LRBA: variants seen among roughly 807,000 people sequenced by gnomAD.
LRBA encodes the protein lipopolysaccharide-responsive and beige-like anchor protein.
Under a neutral mutation model 330.0 loss-of-function variants are expected in LRBA, and 176 were observed. The observed-to-expected ratio is 0.53, with a 90% CI of 0.47 to 0.60. LRBA has a LOEUF of 0.60. Among genes scored for constraint, LRBA ranks in the 20% least tolerant of loss-of-function variants. The pLI is 0.00. For synonymous variants in LRBA, 1,230 were observed against 1,193.0 expected (o/e 1.03, Z -0.64); for missense variants, 3,259 against 3,444.8 (o/e 0.95, Z 1.35).
At chr4:150,847,731 GT>G (rs893847254) in intron 26 of LRBA, among the ~76,000 whole-genome samples, 30 of 152,024 alleles carry the variant, frequency 2.0e-4, no homozygotes, top group African/African-American at 6.0e-4. Flanking sequence ...GCAAAAAAGG[GT>G]TTTTTTGTTT....
intron 40 of LRBA, among the ~76,000 whole-genome samples, chr4:150,528,692 C>T (rs1408606416): frequency 6.6e-6 from 1 of 151,900 alleles, no homozygotes; most frequent in African/African-American, 2.4e-5. Context: ...TAATAAAGAG[C>T]TTTTCAGCAT....
intron 44 of LRBA, 87 bp downstream of exon 44, chr4:150,467,586 T>G (rs1755597226): frequency 1.2e-6 from 1 of 806,306 alleles, no homozygotes; most frequent in East Asian, 2.7e-5. Context: ...TGAAAAAAAT[T>G]TTTAAGTTAA....
chr4:150,360,161 A>AT (rs1278271981), intron 47 of LRBA, among the ~76,000 whole-genome samples: 3 of 151,848 alleles, frequency 2.0e-5, no homozygotes, highest in Non-Finnish European at 2.9e-5. Context: ...TTTATAAAAA[A>AT]TTTTTTTTAA....
chr4:150,311,023 GCAATAAAA>G (rs1050020015), intron 51 of LRBA: 1 of 152,134 alleles, frequency 6.6e-6, no homozygotes, highest in Non-Finnish European at 1.5e-5. Flanking sequence ...CCTTATTTAA[GCAATAAAA>G]CAAGACAGCC....
chr4:150,892,406 T>C (rs1250060725), intron 17 of LRBA, among the ~76,000 whole-genome samples: 1 of 151,906 alleles, frequency 6.6e-6, no homozygotes, highest in Non-Finnish European at 1.5e-5. Flanking sequence ...CCAATAGGAG[T>C]AACGTCATTG....
At chr4:150,982,722 T>C (rs1275720073) in intron 2 of LRBA, among the ~76,000 whole-genome samples, 2 of 151,970 alleles carry the variant, frequency 1.3e-5, no homozygotes, top group Admixed American at 6.6e-5. Context: ...ATGGGTCAAG[T>C]AACAACAGAG....
chr4:150,990,523 T>C (rs1198814995), intron 2 of LRBA, among the ~76,000 whole-genome samples: 5 of 150,656 alleles, frequency 3.3e-5, no homozygotes, highest in Non-Finnish European at 5.9e-5. Flanking sequence ...AGGCCAGGAG[T>C]TTCAGACCAG....
At chr4:150,727,071 T>G (rs1729789584) in intron 36 of LRBA, among the ~76,000 whole-genome samples, 1 of 129,392 alleles carries the variant, frequency 7.7e-6, no homozygotes, top group African/African-American at 2.8e-5. Context: ...TTCGTTGTTT[T>G]TTTTTTTTTT....
At chr4:150,611,065 G>A (rs1775207953) in intron 37 of LRBA, among the ~76,000 whole-genome samples, 1 of 152,128 alleles carries the variant, frequency 6.6e-6, no homozygotes. Flanking sequence ...CACTAGCCAG[G>A]AGATGAGGAT....
chr4:150,364,986 C>T (rs750969927), intron 47 of LRBA, among the ~76,000 whole-genome samples: 1 of 151,564 alleles, frequency 6.6e-6, no homozygotes, highest in Non-Finnish European at 1.5e-5. Flanking sequence ...TATACACACA[C>T]AGAGAGAAAG....
At chr4:150,930,268 T>C (rs1251666289) in intron 2 of LRBA, among the ~76,000 whole-genome samples, 1 of 151,964 alleles carries the variant, frequency 6.6e-6, no homozygotes, top group Non-Finnish European at 1.5e-5. Context: ...TGAGCTGAGA[T>C]TGTGCCACTG....
At chr4:150,896,768 A>G (rs1730128149) in intron 15 of LRBA, among the ~76,000 whole-genome samples, 1 of 152,052 alleles carries the variant, frequency 6.6e-6, no homozygotes, top group Admixed American at 6.5e-5. Flanking sequence ...TAATATCCAC[A>G]CCTACTACTC....
In LRBA at chr4:150,507,464, A is replaced by G. The variant is rs568237778; in HGVS notation, c.6331-16429T>C. Among the ~76,000 whole-genome samples the G allele has an allele frequency of 2.0e-5, 3 of 151,208 alleles. No individual in the cohort carries two copies. The South Asian group carries it at 6.2e-4, about 31-fold the overall frequency. Reference sequence around the variant, plus strand: ...CTGATCTTTGACAAACCTGAGAAAAACAAGAAATGAGGAAAGGATTCCTTA... The same window carrying G: ...CTGATCTTTGACAAACCTGAGAAAAGCAAGAAATGAGGAAAGGATTCCTTA... On this transcript the variant is annotated intron_variant, in intron 40 of 56. Coordinates refer to ENST00000651943, the MANE Select transcript of LRBA (RefSeq NM_001364905.1).
intron 28 of LRBA, among the ~76,000 whole-genome samples, chr4:150,833,122 A>G (rs1375017552): frequency 1.3e-5 from 2 of 152,020 alleles, no homozygotes; most frequent in Admixed American, 1.3e-4. Flanking sequence ...ACAATTATAT[A>G]TCAAGATTTA....
chr4:150,802,100 G>A (rs1741723146), intron 33 of LRBA, among the ~76,000 whole-genome samples: 1 of 150,798 alleles, frequency 6.6e-6, no homozygotes, highest in African/African-American at 2.4e-5. Context: ...TGCGCCTGTA[G>A]TCCCAACTAC....
At chr4:150,571,496 C>T (rs948992789) in intron 40 of LRBA, among the ~76,000 whole-genome samples, 2 of 151,958 alleles carry the variant, frequency 1.3e-5, no homozygotes, top group Admixed American at 1.3e-4. Context: ...TAAGATAACA[C>T]TTTGATAGTT....
chr4:150,866,084 G>C (rs1037412405), intron 22 of LRBA, among the ~76,000 whole-genome samples: 2 of 152,170 alleles, frequency 1.3e-5, no homozygotes, highest in Non-Finnish European at 2.9e-5. Flanking sequence ...TCAGTAAAAT[G>C]TAACACTTAA....
chr4:150,325,769 A>G, intron 49 of LRBA, 40 bp downstream of exon 49: 2 of 1,314,714 alleles, frequency 1.5e-6, no homozygotes, highest in South Asian at 1.2e-5. Flanking sequence ...GCGGATCTGA[A>G]GGAGAGGCAA....
chr4:150,671,468 G>A (rs983361176), intron 37 of LRBA, among the ~76,000 whole-genome samples: 1 of 152,066 alleles, frequency 6.6e-6, no homozygotes, highest in African/African-American at 2.4e-5. Flanking sequence ...TATAGAATTA[G>A]AGAACTAAAT....
Sources: gnomAD v4.1 joint callset for allele counts (sites outside exome capture counted in the v4.1 genomes callset) on GRCh38, gnomAD v4.1.1 for gene constraint, MANE v1.5 for transcripts, NCBI Gene and HGNC (gene_info 2026-07-23, HGNC 2026-07-21) for gene names.